Variants in VWA8 observed in about 807,000 individuals in gnomAD.
VWA8 encodes the protein von Willebrand factor A domain-containing protein 8.
Under a neutral mutation model 241.5 loss-of-function variants are expected in VWA8, and 221 were observed. The observed-to-expected ratio is 0.91, with a 90% confidence interval of 0.82 to 1.02. The LOEUF is 1.02. Ranked by LOEUF, VWA8 falls within the 50% of genes least tolerant of loss-of-function variation. VWA8 has a pLI of 0.00. For missense variants in VWA8, 2,322 were observed against 2,328.7 expected (o/e 1.00, Z 0.06); for synonymous variants, 852 against 827.1 (o/e 1.03, Z -0.52).
At chr13:41,573,610 C>CATAT (rs1239166610) in intron 43 of VWA8, among the ~76,000 whole-genome samples, 2,291 of 140,174 alleles carry the variant, frequency 0.016, 126 homozygotes, top group African/African-American at 0.06. Context: ...TATATATACG[C>CATAT]ATATATATGG....
intron 17 of VWA8, among the ~76,000 whole-genome samples, chr13:41,792,579 C>G (rs1472211308): frequency 6.6e-6 from 1 of 151,920 alleles, no homozygotes; most frequent in Non-Finnish European, 1.5e-5. Context: ...ATCAAAATTT[C>G]TTGGCTATTA....
chr13:41,650,478 A>G (rs916726796), intron 37 of VWA8, among the ~76,000 whole-genome samples: 3 of 152,218 alleles, frequency 2.0e-5, no homozygotes, highest in African/African-American at 7.2e-5. Context: ...CCTAGGCAAT[A>G]GTCACTAGTG....
intron 2 of VWA8, among the ~76,000 whole-genome samples, chr13:41,923,585 G>A (rs1283833858): frequency 6.6e-6 from 1 of 152,018 alleles, no homozygotes; most frequent in Admixed American, 6.6e-5. Flanking sequence ...CTGTGCCCCA[G>A]ATCCCCGTGC....
chr13:41,691,184 T>C, intron 32 of VWA8, 136 bp downstream of exon 32: 2 of 1,067,080 alleles, frequency 1.9e-6, no homozygotes, highest in South Asian at 2.3e-5. Flanking sequence ...ATAAGTCTCA[T>C]ATATAGAGAT....
At chr13:41,620,379 G>T (rs2044648658) in intron 37 of VWA8, among the ~76,000 whole-genome samples, 1 of 151,764 alleles carries the variant, frequency 6.6e-6, no homozygotes, top group African/African-American at 2.4e-5. Context: ...TATCAGTCTT[G>T]CCAGCGGTCT....
chr13:41,888,726 T>A (rs1874667262), intron 5 of VWA8, among the ~76,000 whole-genome samples: 1 of 152,230 alleles, frequency 6.6e-6, no homozygotes, highest in South Asian at 2.1e-4. Context: ...TACATGACTG[T>A]CTCATGCTAG....
chr13:41,913,609 C>G (rs541825311), intron 2 of VWA8, among the ~76,000 whole-genome samples: 1 of 152,290 alleles, frequency 6.6e-6, no homozygotes, highest in East Asian at 1.9e-4. Context: ...CCTGTACTCC[C>G]CTGCCCCAAA....
intron 43 of VWA8, among the ~76,000 whole-genome samples, chr13:41,574,089 AACTT>A (rs1422988570): frequency 6.6e-6 from 1 of 152,090 alleles, no homozygotes; most frequent in Non-Finnish European, 1.5e-5. Flanking sequence ...CAAGCATATA[AACTT>A]ACTATGCACC....
At chr13:41,743,378 C>T (rs1375417254) in intron 21 of VWA8, among the ~76,000 whole-genome samples, 2 of 152,194 alleles carry the variant, frequency 1.3e-5, no homozygotes, top group Non-Finnish European at 2.9e-5. Flanking sequence ...AGTGAGAGAC[C>T]TTAACTTGGC....
chr13:41,761,091 T>C (rs1593752549), intron 21 of VWA8, 37 bp downstream of exon 21: 1 of 1,568,042 alleles, frequency 6.4e-7, no homozygotes, highest in Non-Finnish European at 8.7e-7. Flanking sequence ...AATGATTAAA[T>C]GAGATTTTTA....
intron 24 of VWA8, among the ~76,000 whole-genome samples, chr13:41,725,109 G>C (rs971232547): frequency 1.3e-5 from 2 of 151,978 alleles, no homozygotes; most frequent in Non-Finnish European, 2.9e-5. Context: ...AAGTGCATAG[G>C]ACAAGCTAAG....
intron 5 of VWA8, among the ~76,000 whole-genome samples, chr13:41,888,112 C>T (rs1189329754): frequency 1.3e-5 from 2 of 152,120 alleles, no homozygotes; most frequent in Non-Finnish European, 2.9e-5. Context: ...AAAAATATCA[C>T]CTACATTATT....
chr13:41,784,684 A>G (rs866819741), intron 18 of VWA8, among the ~76,000 whole-genome samples: 3 of 70,602 alleles, frequency 4.2e-5, no homozygotes, highest in African/African-American at 1.0e-4. Flanking sequence ...CTCTCTTTAT[A>G]CATATACATA....
At chr13:41,874,734 A>C (rs1401595183) in intron 9 of VWA8, among the ~76,000 whole-genome samples, 1 of 152,110 alleles carries the variant, frequency 6.6e-6, no homozygotes, top group African/African-American at 2.4e-5. Context: ...TACTTTCTTC[A>C]TACCTTTTTC....
intron 37 of VWA8, among the ~76,000 whole-genome samples, chr13:41,647,030 G>A (rs906131154): frequency 1.3e-5 from 2 of 152,208 alleles, no homozygotes; most frequent in African/African-American, 2.4e-5. Context: ...AGAAAATGGA[G>A]AGATACATGT....
chr13:41,921,027 A>G (rs1004416429), intron 2 of VWA8, among the ~76,000 whole-genome samples: 2 of 152,234 alleles, frequency 1.3e-5, no homozygotes, highest in African/African-American at 4.8e-5. Context: ...CATCGATGCA[A>G]AAATCCTCAA....
chr13:41,816,855 T>G, intron 15 of VWA8, 80 bp from the exon 16 acceptor site: 1 of 1,017,610 alleles, frequency 9.8e-7, no homozygotes, highest in Non-Finnish European at 1.5e-6. Flanking sequence ...TATGACTACT[T>G]AGCAAATAAT....
At chr13:41,630,249 A>C (rs2044717630) in intron 37 of VWA8, among the ~76,000 whole-genome samples, 1 of 149,648 alleles carries the variant, frequency 6.7e-6, no homozygotes, top group South Asian at 2.1e-4. Context: ...CTGGCATAGA[A>C]AGGGTTTCTT....
At position 41,930,760 on chromosome 13, in the gene VWA8, G is replaced by T. The variant is rs143479775; in HGVS notation, c.242-18592C>A. ...ATGTTTAGAGTTGGGTCCCATCCCC[G>T]CAATGTCGCAAATATTCAAAAATTT... is the stretch of plus-strand genomic sequence containing the variant. On this transcript the variant is annotated intron_variant, in intron 2 of 44. Transcript: ENST00000379310. 1.7e-3 allele frequency among the ~76,000 whole-genome samples: 257 copies of T among 152,210 alleles called. 2 individuals carry two copies. The highest frequency in any genetic ancestry group is 5.7e-3 in the African/African-American group (236 of 41,534).
Sources: allele counts gnomAD v4.1 joint callset (sites outside exome capture counted in the v4.1 genomes callset), GRCh38; gene constraint gnomAD v4.1.1; transcripts MANE v1.5; gene names NCBI Gene and HGNC (gene_info 2026-07-23, HGNC 2026-07-21).